The following ANKMY1 variants were observed in gnomAD, a reference collection of about 807,000 sequenced individuals.
The protein encoded by ANKMY1 is ankyrin repeat and MYND domain containing 1, also known as ankyrin repeat and MYND domain-containing protein 1.
In ANKMY1, 98 loss-of-function variants were observed where a neutral mutation model predicts 102.0. The ratio of observed to expected loss-of-function variants is 0.96; its 90% CI spans 0.82 to 1.14. The LOEUF (loss-of-function observed/expected upper bound fraction) is 1.14. Among genes scored for constraint, ANKMY1 ranks in the 50% most tolerant of loss-of-function variants. The pLI is 0.00. For synonymous variants in ANKMY1, 582 were observed against 559.9 expected (o/e 1.04, Z -0.56); for missense variants, 1,330 against 1,347.6 (o/e 0.99, Z 0.20).
At chr2:240,560,564 G>T, upstream of ANKMY1, 1 of 1,280,464 alleles carries the variant, frequency 7.8e-7, no homozygotes, top group East Asian at 3.2e-5. Flanking sequence ...CACCTCGGAG[G>T]CCTCTAGGAC....
chr2:240,530,631 T>C (rs1170924481), intron 4 of ANKMY1, among the ~76,000 whole-genome samples: 1 of 152,176 alleles, frequency 6.6e-6, no homozygotes, highest in Non-Finnish European at 1.5e-5. Flanking sequence ...AGGTATTTCT[T>C]TGCGGCAACG....
Position 240,523,878 on chromosome 2 carries a change from G to C in ANKMY1, c.1832+7C>G, listed in dbSNP as rs764988801. ...CTCCACCCCCACCAGCTGGTGCCAG[G>C]ACCTACTCGATCATGGACAGCGCCA... On this transcript the variant is annotated splice_region_variant and intron_variant, in intron 8 of 17. Transcript: ENST00000401804. 2.5e-5 allele frequency: 40 copies of C among 1,608,050 alleles called. No homozygotes were observed. The African/African-American group carries it at 3.7e-4, about 15-fold the overall frequency.
chr2:240,557,991 A>G, upstream of ANKMY1: 1 of 985,430 alleles, frequency 1.0e-6, no homozygotes, highest in Non-Finnish European at 1.2e-6. Flanking sequence ...GCGCCTACGG[A>G]GAGCGTCGCG....
chr2:240,552,864 G>T, intron 4 of ANKMY1, 50 bp downstream of exon 4: 1 of 1,611,858 alleles, frequency 6.2e-7, no homozygotes, highest in South Asian at 1.1e-5. Flanking sequence ...CAGTGGCTTA[G>T]ACACACACAG....
At chr2:240,555,321 C>G in intron 2 of ANKMY1, 1 of 487,752 alleles carries the variant, frequency 2.1e-6, no homozygotes, top group East Asian at 3.3e-5. Flanking sequence ...CAGGACCAGT[C>G]GGCCTGTCCA....
chr2:240,510,612 C>T (rs1243701562), intron 11 of ANKMY1, among the ~76,000 whole-genome samples: 1 of 152,144 alleles, frequency 6.6e-6, no homozygotes, highest in African/African-American at 2.4e-5. Context: ...GGCCCAACCA[C>T]CATGCACACT....
Position 240,513,004 on chromosome 2 carries a change from T to C in ANKMY1, c.2005-62A>G. 6 of 1,559,150 alleles carry C rather than the reference T, an allele frequency of 3.8e-6. No homozygotes were observed. The South Asian group carries it at 5.9e-5, about 15-fold the overall frequency. On this transcript the variant is annotated intron_variant, in intron 9 of 17. Coordinates refer to ENST00000401804, the MANE Select transcript of ANKMY1 (RefSeq NM_001282771.3). ...TTCTCGTAGGGAGAGACAGGTGAGG[T>C]ACCTGAGGGACCCAAATGCCAGGGA...
In ANKMY1 at chr2:240,499,483, T is replaced by TG. The variant is rs1344216701; in HGVS notation, c.2806+474dup. On this transcript the variant is annotated intron_variant, in intron 15 of 17. Transcript: ENST00000401804. This position sits in a 1 kb window ranked among gnomAD's most constrained non-coding sequence, Gnocchi z 4.2. ...GGTTGAGTACGTGGGTGTGGGTACA[T>TG]GGGGGAGTAGATGTCAGTAGGTACT... Among the ~76,000 whole-genome samples, 7 of 149,244 alleles carry TG rather than the reference T, an allele frequency of 4.7e-5. No homozygotes were observed. Among genetic ancestry groups the TG allele is most frequent in the Admixed American group, 4.7e-4 (7 of 15,018 alleles).
At position 240,554,909 on chromosome 2, in the gene ANKMY1, T is replaced by G; in HGVS notation, c.293A>C (p.Asn98Thr). Reference sequence around the variant, plus strand: ...GAATTTGCCATATCCAAGCTTCATGTTCAACCCAAACTCCCCCTGGTACAT... The same window carrying G: ...GAATTTGCCATATCCAAGCTTCATGGTCAACCCAAACTCCCCCTGGTACAT... ...GCMYQGEFGL[N>T]MKLGYGKFSW... The change falls in exon 3 of 18, where the codon AAC (asparagine) becomes ACC (threonine). Residue 98 changes from asparagine to threonine, a missense_variant. Asn to Thr is a moderately conservative substitution (Grantham distance 65, BLOSUM62 0). Coordinates refer to ENST00000401804, the MANE Select transcript of ANKMY1 (RefSeq NM_001282771.3). The G allele has an allele frequency of 6.2e-7, 1 of 1,614,140 alleles. No individual in the cohort carries two copies. Among genetic ancestry groups the G allele is most frequent in the Middle Eastern group, 1.7e-4 (1 of 6,060 alleles).
At chr2:240,514,525 G>C (rs939190755) in intron 9 of ANKMY1, among the ~76,000 whole-genome samples, 1 of 152,152 alleles carries the variant, frequency 6.6e-6, no homozygotes, top group African/African-American at 2.4e-5. Context: ...AAACAGTTTG[G>C]AACCAGAATT....
chr2:240,476,016 G>T (rs557611102), downstream of ANKMY1, among the ~76,000 whole-genome samples: 630 of 151,848 alleles, frequency 4.1e-3, 2 homozygotes, highest in African/African-American at 0.013. Flanking sequence ...AAATTTGTGT[G>T]GAATCACAAA....
intron 15 of ANKMY1, among the ~76,000 whole-genome samples, chr2:240,489,180 A>G (rs187537800): frequency 2.1e-3 from 314 of 152,272 alleles, no homozygotes; most frequent in Non-Finnish European, 2.5e-3. Flanking sequence ...TCAGGTGGGC[A>G]TGGTGGCTCA....
chr2:240,480,823 C>T (rs902420825), intron 17 of ANKMY1, 114 bp downstream of exon 17: 7 of 1,407,576 alleles, frequency 5.0e-6, no homozygotes, highest in African/African-American at 1.4e-5. Context: ...GGAAAGTGGC[C>T]TGAATCTGGA....
chr2:240,550,650 C>A lies in ANKMY1; in HGVS notation c.480+2264G>T, dbSNP rs188742145. On this transcript the variant is annotated intron_variant, in intron 4 of 17. Transcript: ENST00000401804. ...CTTATTTGTTATATTAGAATTATAC[C>A]GGAAGCATTGTAAATTGTGAGGTGG... Among the ~76,000 whole-genome samples the A allele has an allele frequency of 3.3e-5, 5 of 151,846 alleles. 1 individual carries two copies. The highest frequency in any genetic ancestry group is 5.9e-5 in the Non-Finnish European group (4 of 67,988).
In ANKMY1 at chr2:240,507,707, C is replaced by T. The variant is rs758260890; in HGVS notation, c.2395-16G>A. ...CCTTCACAACCTGAACATACACAGACAGTCTCATCAGTGGCCACCATGTCA... is the reference window on the plus strand; with the variant it reads ...CCTTCACAACCTGAACATACACAGATAGTCTCATCAGTGGCCACCATGTCA... On this transcript the variant is annotated splice_polypyrimidine_tract_variant and intron_variant, in intron 12 of 17. Transcript: ENST00000401804. 1 of 1,584,722 alleles carries T rather than the reference C, an allele frequency of 6.3e-7. No individual in the cohort carries two copies. Among genetic ancestry groups the T allele is most frequent in the Non-Finnish European group, 8.6e-7 (1 of 1,163,522 alleles).
At chr2:240,521,423 T>C (rs567718979) in intron 8 of ANKMY1, among the ~76,000 whole-genome samples, 73 of 150,794 alleles carry the variant, frequency 4.8e-4, no homozygotes, top group Non-Finnish European at 9.0e-4. Flanking sequence ...CCAGGATCTA[T>C]GCCTTTCTGG....
Position 240,499,428 on chromosome 2 carries a change from G to GT in ANKMY1, c.2806+529dup, listed in dbSNP as rs2077774238. 6.7e-6 allele frequency among the ~76,000 whole-genome samples: 1 copy of GT among 149,052 alleles called. No homozygotes were observed. Among genetic ancestry groups the GT allele is most frequent in the African/African-American group, 2.5e-5 (1 of 40,230 alleles). ...GTGGGGGTGACCAGGTGGGTGGGAG[G>GT]TGGGTATGTGGGAGTGACTAGGTGG... On this transcript the variant is annotated intron_variant, in intron 15 of 17. Coordinates refer to ENST00000401804, the MANE Select transcript of ANKMY1 (RefSeq NM_001282771.3). The surrounding 1 kb of genome is among the most constrained non-coding windows in gnomAD (Gnocchi z 4.2).
chr2:240,524,810 T>C (rs1350293701), intron 7 of ANKMY1, among the ~76,000 whole-genome samples: 2 of 152,270 alleles, frequency 1.3e-5, no homozygotes, highest in Non-Finnish European at 2.9e-5. Context: ...TACTTTTTCA[T>C]GTGGCTACCT....
chr2:240,551,406 A>G (rs1408134110), intron 4 of ANKMY1, among the ~76,000 whole-genome samples: 1 of 152,174 alleles, frequency 6.6e-6, no homozygotes, highest in Non-Finnish European at 1.5e-5. Context: ...TTTATTTTAT[A>G]ATGGGACACA....
Sources: allele counts gnomAD v4.1 joint callset (sites outside exome capture counted in the v4.1 genomes callset), GRCh38; gene constraint gnomAD v4.1.1; non-coding constraint Gnocchi (gnomAD v3.1); transcripts MANE v1.5; gene names NCBI Gene and HGNC (gene_info 2026-07-23, HGNC 2026-07-21).